CNBD1: variants seen among roughly 807,000 people sequenced by gnomAD.
CNBD1 encodes cyclic nucleotide binding domain containing 1, also known as cyclic nucleotide-binding domain-containing protein 1.
Under a neutral mutation model 54.4 loss-of-function variants are expected in CNBD1, and 71 were observed. That is an observed-to-expected ratio of 1.30 (90% CI 1.08 to 1.59). The LOEUF is 1.59. CNBD1 is among the 40% of genes most tolerant of loss of function. The pLI is 0.00. For synonymous variants in CNBD1, 182 were observed against 170.7 expected (o/e 1.07, Z -0.51); for missense variants, 659 against 518.0 (o/e 1.27, Z -2.64).
intron 2 of CNBD1, among the ~76,000 whole-genome samples, chr8:87,419,813 C>T (rs1040224273): frequency 1.4e-4 from 21 of 151,478 alleles, no homozygotes; most frequent in African/African-American, 4.8e-4. Context: ...CATGTCAATC[C>T]CACACAAACC....
chr8:87,041,456 T>G (rs952685417), intron 4 of CNBD1, among the ~76,000 whole-genome samples: 3 of 152,068 alleles, frequency 2.0e-5, no homozygotes, highest in African/African-American at 7.2e-5. Context: ...AAAATGTTCT[T>G]AGATGAGAGA....
At chr8:87,069,231 T>C (rs1810714103) in intron 4 of CNBD1, among the ~76,000 whole-genome samples, 1 of 152,182 alleles carries the variant, frequency 6.6e-6, no homozygotes, top group Non-Finnish European at 1.5e-5. Context: ...CTGCTGTTGT[T>C]ACTGTTTTGA....
intron 4 of CNBD1, among the ~76,000 whole-genome samples, chr8:87,123,965 A>G (rs1052101931): frequency 5.9e-5 from 9 of 151,746 alleles, no homozygotes; most frequent in Non-Finnish European, 1.2e-4. Context: ...AACAATGTAA[A>G]ATAAGAATGA....
intron 4 of CNBD1, among the ~76,000 whole-genome samples, chr8:86,951,944 T>C (rs1320858022): frequency 6.6e-6 from 1 of 152,134 alleles, no homozygotes. Context: ...TCCCTCACAA[T>C]TGGTCCACAA....
At chr8:87,208,759 T>C (rs763049463) in intron 5 of CNBD1, among the ~76,000 whole-genome samples, 5 of 152,238 alleles carry the variant, frequency 3.3e-5, no homozygotes, top group Non-Finnish European at 5.9e-5. Flanking sequence ...TGTGTAGTCC[T>C]TTGTCTTACA....
chr8:87,375,066 A>C (rs951735926), intron 10 of CNBD1, among the ~76,000 whole-genome samples: 5 of 151,912 alleles, frequency 3.3e-5, no homozygotes, highest in Non-Finnish European at 7.4e-5. Flanking sequence ...CTTCCACTCA[A>C]AAATAATTAT....
intron 5 of CNBD1, among the ~76,000 whole-genome samples, chr8:87,211,718 A>C (rs1814102418): frequency 6.6e-6 from 1 of 152,196 alleles, no homozygotes; most frequent in Non-Finnish European, 1.5e-5. Flanking sequence ...GAAGCTGAGC[A>C]GATACCAGCA....
intron 9 of CNBD1, 87 bp from the exon 10 acceptor site, chr8:87,353,549 T>C: frequency 1.2e-6 from 1 of 843,566 alleles, no homozygotes; most frequent in Non-Finnish European, 1.8e-6. Context: ...AGTAAAATGG[T>C]TTATGAGTGA....
At chr8:87,363,639 T>G (rs1415970984) in intron 10 of CNBD1, among the ~76,000 whole-genome samples, 1 of 151,422 alleles carries the variant, frequency 6.6e-6, no homozygotes, top group Non-Finnish European at 1.5e-5. Context: ...GTTTGTTAGC[T>G]GCTAAATGTC....
intron 9 of CNBD1, 30 bp downstream of exon 9, chr8:87,351,824 C>T (rs993353803): frequency 1.4e-6 from 2 of 1,424,074 alleles, no homozygotes; most frequent in Non-Finnish European, 1.8e-6. Context: ...TCTTTTTAAT[C>T]AATTAATCTA....
intron 1 of CNBD1, among the ~76,000 whole-genome samples, chr8:86,886,656 G>T (rs1390852728): frequency 6.6e-6 from 1 of 152,120 alleles, no homozygotes; most frequent in Non-Finnish European, 1.5e-5. Flanking sequence ...AGATAAGTTT[G>T]GATGTCAAAT....
intron 4 of CNBD1, among the ~76,000 whole-genome samples, chr8:87,191,172 AGCAGAAG>A (rs140422772): frequency 0.018 from 2,786 of 152,048 alleles, 96 homozygotes; most frequent in African/African-American, 0.064. Flanking sequence ...TTCAGTCTAT[AGCAGAAG>A]GCCCAAGAGT....
At chr8:87,187,638 A>G (rs1249204043) in intron 4 of CNBD1, among the ~76,000 whole-genome samples, 2 of 152,176 alleles carry the variant, frequency 1.3e-5, no homozygotes, top group African/African-American at 4.8e-5. Context: ...AATAGCAATG[A>G]CACCAGTGTT....
intron 2 of CNBD1, among the ~76,000 whole-genome samples, chr8:87,399,122 G>T (rs964033134): frequency 6.6e-6 from 1 of 151,988 alleles, no homozygotes; most frequent in Non-Finnish European, 1.5e-5. Context: ...TTATTTTCAT[G>T]TCTTAATTTC....
chr8:86,931,454 G>C (rs1434250425), intron 3 of CNBD1, among the ~76,000 whole-genome samples: 1 of 147,498 alleles, frequency 6.8e-6, no homozygotes, highest in East Asian at 2.0e-4. Flanking sequence ...CATGGGCAAG[G>C]GGGTGGCTTA....
At chr8:87,068,046 G>A (rs191382061) in intron 4 of CNBD1, among the ~76,000 whole-genome samples, 3 of 151,932 alleles carry the variant, frequency 2.0e-5, no homozygotes, top group Admixed American at 6.6e-5. Flanking sequence ...TTGAACATAC[G>A]TTAAGCATTC....
At chr8:87,337,211 C>T (rs1809961466) in intron 8 of CNBD1, among the ~76,000 whole-genome samples, 1 of 152,144 alleles carries the variant, frequency 6.6e-6, no homozygotes, top group African/African-American at 2.4e-5. Context: ...TTTAACAAGG[C>T]ACTTTGGCTG....
In CNBD1 at chr8:87,223,057, T is replaced by A. The variant is rs539635921; in HGVS notation, c.578-13862T>A. Among the ~76,000 whole-genome samples the A allele has an allele frequency of 1.1e-3, 165 of 148,972 alleles. 1 individual carries two copies. Among genetic ancestry groups the A allele is most frequent in the African/African-American group, 3.8e-3 (158 of 41,066 alleles). On this transcript the variant is annotated intron_variant, in intron 5 of 10. Transcript: ENST00000518476. The stretch of plus-strand genomic sequence containing the variant: ...GTTTCCTTATTGTCTGATTTTTCTT[T>A]TTTTTTTTTTTCAACAAACCACTTT...
At chr8:87,319,315 C>A (rs1227454820) in intron 8 of CNBD1, among the ~76,000 whole-genome samples, 1 of 151,900 alleles carries the variant, frequency 6.6e-6, no homozygotes, top group Admixed American at 6.6e-5. Flanking sequence ...AACTGGGGCC[C>A]AATAAAAGGC....
Sources: gnomAD v4.1 joint callset for allele counts (sites outside exome capture counted in the v4.1 genomes callset) on GRCh38, gnomAD v4.1.1 for gene constraint, MANE v1.5 for transcripts, NCBI Gene and HGNC (gene_info 2026-07-23, HGNC 2026-07-21) for gene names.